The following OTOA variants were observed in gnomAD, a reference collection of about 807,000 sequenced individuals.
OTOA encodes cancer/testis antigen 108.
Under a neutral mutation model 110.8 loss-of-function variants are expected in OTOA, and 70 were observed. The ratio of observed to expected loss-of-function variants is 0.63; its 90% confidence interval spans 0.52 to 0.77. OTOA has a LOEUF of 0.77. Ranked by LOEUF, OTOA falls within the 30% of genes least tolerant of loss-of-function variation. OTOA has a pLI of 0.00. For missense variants in OTOA, 917 were observed against 1,075.8 expected, an observed-to-expected ratio of 0.85 and a Z score of 2.06; for synonymous variants, 373 against 431.5, an observed-to-expected ratio of 0.86 and a Z score of 1.68.
chr16:21,688,355 C>T (rs1261894623), intron 8 of OTOA, among the ~76,000 whole-genome samples: 2 of 151,960 alleles, frequency 1.3e-5, no homozygotes, highest in South Asian at 2.1e-4. Context: ...TGCCACTGCA[C>T]TCCAACCTGG....
Position 21,678,944 on chromosome 16 carries a change from G to A in OTOA, c.120+1G>A, listed in dbSNP as rs1325436445. ...GCATCCATTGTTGCAAAACATGGCG[G>A]TGAGTATTCTATTTTCTGTTAATCA... On this transcript the variant is annotated splice_donor_variant, in intron 3 of 28. Coordinates refer to ENST00000646100, the MANE Select transcript of OTOA (RefSeq NM_144672.4). LOFTEE classifies it high-confidence loss of function. 1.9e-6 allele frequency: 3 copies of A among 1,613,668 alleles called. No homozygotes were observed. The highest frequency in any genetic ancestry group is 2.2e-5 in the East Asian group (1 of 44,878).
intron 18 of OTOA, among the ~76,000 whole-genome samples, chr16:21,725,926 C>T (rs138619918): frequency 6.6e-6 from 1 of 152,240 alleles, no homozygotes; most frequent in African/African-American, 2.4e-5. Context: ...CCAGTTTCTC[C>T]TTCTTGAGGG....
chr16:21,721,227 A>C (rs1222699598), intron 17 of OTOA: 1 of 413,986 alleles, frequency 2.4e-6, no homozygotes, highest in East Asian at 7.5e-5. Flanking sequence ...AAAACACATA[A>C]TTATTACACA....
intron 12 of OTOA, 55 bp downstream of exon 12, chr16:21,705,347 A>G: frequency 6.2e-7 from 1 of 1,612,258 alleles, no homozygotes; most frequent in African/African-American, 1.3e-5. Context: ...CTAGCCAGAG[A>G]AATGGGGAGA....
chr16:21,735,401 G>C (rs936189812), intron 21 of OTOA, among the ~76,000 whole-genome samples: 2 of 151,714 alleles, frequency 1.3e-5, no homozygotes, highest in African/African-American at 2.4e-5. Context: ...AGTACCAAGG[G>C]GATTGTATTT....
chr16:21,713,978 C>T (rs1172864244), intron 13 of OTOA, among the ~76,000 whole-genome samples: 6 of 152,166 alleles, frequency 3.9e-5, no homozygotes, highest in Non-Finnish European at 7.3e-5. Flanking sequence ...ATACCCAACT[C>T]TTCCTACTGA....
chr16:21,702,916 C>T (rs1467861435), intron 11 of OTOA, among the ~76,000 whole-genome samples: 10 of 152,080 alleles, frequency 6.6e-5, no homozygotes, highest in East Asian at 5.8e-4. Context: ...CCTTGTGATC[C>T]GCCCGCCTCG....
At chr16:21,677,215 G>A (rs139323998) in intron 1 of OTOA, among the ~76,000 whole-genome samples, 1 of 152,040 alleles carries the variant, frequency 6.6e-6, no homozygotes, top group Non-Finnish European at 1.5e-5. Flanking sequence ...CCTAGGGGTG[G>A]CATTTCTTGA....
At chr16:21,756,403 G>A (rs919146460) in intron 27 of OTOA, among the ~76,000 whole-genome samples, 5 of 152,086 alleles carry the variant, frequency 3.3e-5, no homozygotes, top group Non-Finnish European at 7.4e-5. Flanking sequence ...GTCAGCAGAG[G>A]AGATGAGTTC....
intron 5 of OTOA, among the ~76,000 whole-genome samples, chr16:21,680,916 C>A (rs1323077431): frequency 1.3e-5 from 2 of 151,564 alleles, no homozygotes; most frequent in African/African-American, 4.8e-5. Flanking sequence ...TGGGCACAGT[C>A]TTACGCAATT....
At chr16:21,669,357 C>A (rs115663521) in intron 1 of OTOA, among the ~76,000 whole-genome samples, 1,608 of 151,892 alleles carry the variant, frequency 0.011, 31 homozygotes, top group African/African-American at 0.033. Flanking sequence ...CCCAAAAAAA[C>A]CCCCAAAACA....
intron 27 of OTOA, among the ~76,000 whole-genome samples, chr16:21,756,168 C>T (rs1362749521): frequency 1.3e-5 from 2 of 151,564 alleles, no homozygotes; most frequent in South Asian, 2.1e-4. Context: ...GAGTCCCCTT[C>T]GTATTCCAGT....
chr16:21,728,226 A>G lies in OTOA; in HGVS notation c.2017-15A>G. The stretch of plus-strand genomic sequence containing the variant: ...TCTGTTGGAACTGCCCATTGGCTCC[A>G]CTTTTTGGGTTCAGGACGACTCCAT... On this transcript the variant is annotated splice_polypyrimidine_tract_variant and intron_variant, in intron 19 of 28. Coordinates refer to ENST00000646100, the MANE Select transcript of OTOA (RefSeq NM_144672.4). 1 of 1,614,068 alleles carries G rather than the reference A, an allele frequency of 6.2e-7. No homozygotes were observed. The highest frequency in any genetic ancestry group is 1.1e-5 in the South Asian group (1 of 91,086).
intron 20 of OTOA, chr16:21,730,539 T>C: frequency 2.6e-6 from 1 of 380,520 alleles, no homozygotes; most frequent in South Asian, 2.2e-5. Context: ...TCTGTGTTCC[T>C]TGGTGTGGTC....
At chr16:21,723,379 T>C (rs1430061794) in intron 18 of OTOA, among the ~76,000 whole-genome samples, 2 of 152,122 alleles carry the variant, frequency 1.3e-5, no homozygotes, top group Non-Finnish European at 2.9e-5. Context: ...CTGGACATTG[T>C]TTCTCTCCTT....
In OTOA at chr16:21,676,633, C is replaced by G. The variant is rs1217725632; in HGVS notation, c.-4-1878C>G. Among the ~76,000 whole-genome samples the G allele has an allele frequency of 2.0e-5, 3 of 152,286 alleles. No homozygotes were observed. In the East Asian group the frequency reaches 5.8e-4, roughly 29 times the overall value. On this transcript the variant is annotated intron_variant, in intron 1 of 28. Coordinates refer to ENST00000646100, the MANE Select transcript of OTOA (RefSeq NM_144672.4). ...CCAGCCTCAGGAGGTTTCTTACATG[C>G]AAAGGTAGATAAATATTCAGCCAAA...
At chr16:21,698,535 TTTC>T (rs760427431) in intron 10 of OTOA, among the ~76,000 whole-genome samples, 23 of 152,072 alleles carry the variant, frequency 1.5e-4, no homozygotes, top group Middle Eastern at 3.4e-3. Flanking sequence ...GCTTCCAATT[TTTC>T]TTCTTCTTCT....
chr16:21,675,067 T>G (rs769889866), intron 1 of OTOA, among the ~76,000 whole-genome samples: 34 of 25,280 alleles, frequency 1.3e-3, no homozygotes, highest in African/African-American at 8.4e-3. Flanking sequence ...CTTTCTGTCT[T>G]TCTTTCTTTC....
chr16:21,694,464 A>T (rs1397077494), intron 9 of OTOA, among the ~76,000 whole-genome samples: 1 of 152,080 alleles, frequency 6.6e-6, no homozygotes, highest in Non-Finnish European at 1.5e-5. Context: ...CCAAAATAAT[A>T]AATGTAAAAA....
Sources: allele counts gnomAD v4.1 joint callset (sites outside exome capture counted in the v4.1 genomes callset), GRCh38; gene constraint gnomAD v4.1.1; transcripts MANE v1.5; gene names NCBI Gene and HGNC (gene_info 2026-07-23, HGNC 2026-07-21).